Variants in SLC2A1 observed in about 807,000 individuals in gnomAD.
SLC2A1 encodes solute carrier family 2 member 1.
A neutral mutation model predicts 46.6 loss-of-function variants in SLC2A1; 4 were observed. The observed-to-expected ratio is 0.09, with a 90% CI of 0.04 to 0.20. The LOEUF is 0.20. Among genes scored for constraint, SLC2A1 ranks in the 10% least tolerant of loss-of-function variants. SLC2A1 has a pLI of 1.00. For synonymous variants in SLC2A1, 253 were observed against 270.0 expected, an observed-to-expected ratio of 0.94 and a Z score of 0.62; for missense variants, 352 against 667.0, an observed-to-expected ratio of 0.53 and a Z score of 5.20.
At chr1:42,944,644 G>C (rs994566705) in intron 1 of SLC2A1, among the ~76,000 whole-genome samples, 1 of 152,140 alleles carries the variant, frequency 6.6e-6, no homozygotes, top group African/African-American at 2.4e-5. Context: ...TCAGGGCAAC[G>C]ACTGCAAAAG....
chr1:42,954,486 T>C lies in SLC2A1; in HGVS notation c.18+4148A>G, dbSNP rs1259169162. ...GTTGTGGTGAGCTGAGATTGTGTCA[T>C]GGCACTCCAGCCTGGGCAACAAGAG... On this transcript the variant is annotated intron_variant, in intron 1 of 9. Transcript: ENST00000426263. The surrounding 1 kb of genome is among the most constrained non-coding windows in gnomAD (Gnocchi z 4.2). Among the ~76,000 whole-genome samples the C allele has an allele frequency of 6.6e-6, 1 of 152,200 alleles. No individual in the cohort carries two copies. Among genetic ancestry groups the C allele is most frequent in the Non-Finnish European group, 1.5e-5 (1 of 68,034 alleles).
intron 1 of SLC2A1, among the ~76,000 whole-genome samples, chr1:42,950,510 G>A (rs1643709537): frequency 6.6e-6 from 1 of 152,196 alleles, no homozygotes; most frequent in Non-Finnish European, 1.5e-5. Context: ...GCCAGGATCT[G>A]GACCCTGGGG....
chr1:42,955,914 G>C (rs902713418), intron 1 of SLC2A1, among the ~76,000 whole-genome samples: 3 of 152,192 alleles, frequency 2.0e-5, no homozygotes, highest in Non-Finnish European at 4.4e-5. Flanking sequence ...AATGGAACAC[G>C]GGGAAGTTAG....
At chr1:42,946,955 G>A (rs143415671) in intron 1 of SLC2A1, among the ~76,000 whole-genome samples, 5 of 152,170 alleles carry the variant, frequency 3.3e-5, no homozygotes, top group African/African-American at 7.2e-5. Flanking sequence ...CCTAGAAAAC[G>A]GGGATGAAAG....
intron 2 of SLC2A1, 148 bp downstream of exon 2, chr1:42,943,078 C>T (rs993953157): frequency 1.6e-5 from 11 of 696,452 alleles, no homozygotes; most frequent in East Asian, 2.7e-5. Flanking sequence ...CTGACATGAT[C>T]AGGGCCAGAA....
intron 1 of SLC2A1, among the ~76,000 whole-genome samples, chr1:42,953,904 G>A (rs1469962558): frequency 2.6e-5 from 4 of 152,178 alleles, no homozygotes; most frequent in South Asian, 2.1e-4. Context: ...CTTACAAAGG[G>A]TCTTTCCACT....
intron 1 of SLC2A1, among the ~76,000 whole-genome samples, chr1:42,950,311 C>A (rs80179608): frequency 0.037 from 5,619 of 152,340 alleles, 378 homozygotes; most frequent in African/African-American, 0.13. Flanking sequence ...ACAATATTTA[C>A]GCTCTATCTG....
At chr1:42,956,666 C>T (rs1381820289) in intron 1 of SLC2A1, among the ~76,000 whole-genome samples, 2 of 152,170 alleles carry the variant, frequency 1.3e-5, no homozygotes, top group Non-Finnish European at 2.9e-5. Context: ...TAATTACTGA[C>T]GAGGTAGACA....
At chr1:42,951,873 G>C (rs757843530) in intron 1 of SLC2A1, 1 of 400,916 alleles carries the variant, frequency 2.5e-6, no homozygotes, top group African/African-American at 2.1e-5. Flanking sequence ...TTATATAGCT[G>C]GGAGATGGAG....
intron 2 of SLC2A1, among the ~76,000 whole-genome samples, chr1:42,937,752 G>C (rs1284045852): frequency 2.0e-5 from 3 of 152,220 alleles, no homozygotes; most frequent in Non-Finnish European, 1.5e-5. Context: ...TAAGCAGTAA[G>C]GGTTTATGGT....
intron 1 of SLC2A1, among the ~76,000 whole-genome samples, chr1:42,951,214 G>A (rs1172591700): frequency 6.6e-6 from 1 of 152,216 alleles, no homozygotes; most frequent in African/African-American, 2.4e-5. Context: ...GTGGTATGAA[G>A]AAGGTGATGG....
In SLC2A1 at chr1:42,927,924, A is replaced by G. The variant is rs1200717805; in HGVS notation, c.1075-116T>C. 2.8e-5 allele frequency: 22 copies of G among 797,914 alleles called. No individual in the cohort carries two copies. Among genetic ancestry groups the G allele is most frequent in the Non-Finnish European group, 3.8e-5 (18 of 472,476 alleles). The allele number at this position is 797,914 out of a possible 1,614,324, so 49.4% of individuals were successfully genotyped here. A position where few individuals can be genotyped will look rare whatever the true frequency, so the allele number is the denominator to read the frequency against. ...ATGCGAGAAGGCAGGAAGCCTGGGG[A>G]TGGTCCTGGATTTGTTGTGTATCCA... On this transcript the variant is annotated intron_variant, in intron 8 of 9. Coordinates refer to ENST00000426263, the MANE Select transcript of SLC2A1 (RefSeq NM_006516.4). The surrounding 1 kb of genome is among the most constrained non-coding windows in gnomAD (Gnocchi z 5.3).
intron 1 of SLC2A1, among the ~76,000 whole-genome samples, 162 bp downstream of exon 1, chr1:42,958,463 CCCGGCGGGG>C (rs1182294375): frequency 6.6e-6 from 1 of 150,468 alleles, no homozygotes; most frequent in African/African-American, 2.4e-5. Flanking sequence ...CGGCCAGCGG[CCCGGCGGGG>C]CGCTGCGCTC....
chr1:42,951,622 C>T (rs1643720976), intron 1 of SLC2A1: 1 of 388,042 alleles, frequency 2.6e-6, no homozygotes, highest in Non-Finnish European at 4.5e-6. Context: ...AGAAGACACT[C>T]TTTCATTTAT....
At chr1:42,944,224 A>G (rs1201572989) in intron 1 of SLC2A1, among the ~76,000 whole-genome samples, 1 of 152,228 alleles carries the variant, frequency 6.6e-6, no homozygotes, top group Non-Finnish European at 1.5e-5. Context: ...TTGGAAGCCG[A>G]GGACCTAAGG....
chr1:42,944,818 G>A (rs1362858223), intron 1 of SLC2A1, among the ~76,000 whole-genome samples: 1 of 152,116 alleles, frequency 6.6e-6, no homozygotes, highest in Non-Finnish European at 1.5e-5. Context: ...ACATGCTGGG[G>A]CTTCCCTCAT....
At chr1:42,956,407 CAAAAAAAAAA>C (rs71577684) in intron 1 of SLC2A1, among the ~76,000 whole-genome samples, 1 of 44,506 alleles carries the variant, frequency 2.2e-5, no homozygotes, top group African/African-American at 1.1e-4. Context: ...ACTAAAACTA[CAAAAAAAAAA>C]AAAAAAAAAA....
Position 42,926,562 on chromosome 1 carries a change from G to C in SLC2A1, c.*479C>G, listed in dbSNP as rs544915994. 1 of 452,412 alleles carries C rather than the reference G, an allele frequency of 2.2e-6. No individual in the cohort carries two copies. The highest frequency in any genetic ancestry group is 2.1e-5 in the African/African-American group (1 of 48,764). 28.0% of individuals were successfully genotyped at this position (452,412 alleles called of 1,614,324 possible). Reference sequence around the variant, plus strand: ...TGGAGCCTGACCCCTAGAGTGGGGAGATCCAGGCCAGCAGAACGGGTGGCC... The same window carrying C: ...TGGAGCCTGACCCCTAGAGTGGGGACATCCAGGCCAGCAGAACGGGTGGCC... On this transcript the variant is annotated 3_prime_UTR_variant, in exon 10 of 10. Transcript: ENST00000426263.
At chr1:42,933,434 A>G (rs1343037924) in intron 2 of SLC2A1, among the ~76,000 whole-genome samples, 1 of 152,062 alleles carries the variant, frequency 6.6e-6, no homozygotes, top group African/African-American at 2.4e-5. Context: ...GTCTTCCCTG[A>G]GGAAGACAGT....
Sources: allele counts gnomAD v4.1 joint callset (sites outside exome capture counted in the v4.1 genomes callset), GRCh38; gene constraint gnomAD v4.1.1; non-coding constraint Gnocchi (gnomAD v3.1); transcripts MANE v1.5; gene names NCBI Gene and HGNC (gene_info 2026-07-23, HGNC 2026-07-21).